Variants in PTGR1 observed in about 807,000 individuals in gnomAD.
PTGR1 encodes 15-oxoprostaglandin 13-reductase.
A neutral mutation model predicts 37.7 loss-of-function variants in PTGR1; 23 were observed. The observed-to-expected ratio is 0.61, with a 90% CI of 0.44 to 0.86. The LOEUF (loss-of-function observed/expected upper bound fraction) is 0.86. Among genes scored for constraint, PTGR1 ranks in the 40% least tolerant of loss-of-function variants. PTGR1 has a pLI of 0.00. For missense variants in PTGR1, 351 were observed against 394.3 expected (o/e 0.89, Z 0.93); for synonymous variants, 134 against 140.0 (o/e 0.96, Z 0.30).
intron 9 of PTGR1, among the ~76,000 whole-genome samples, chr9:111,551,527 C>G (rs1564603054): frequency 6.6e-6 from 1 of 150,484 alleles, no homozygotes; most frequent in Non-Finnish European, 1.5e-5. Context: ...CCTGCTTCAG[C>G]CTCCCCAGTA....
intron 8 of PTGR1, chr9:111,574,435 G>T: frequency 5.9e-6 from 1 of 169,778 alleles, no homozygotes; most frequent in Non-Finnish European, 1.2e-5. Flanking sequence ...CTGCAGCCTC[G>T]CCTCCCAGGC....
rs58142522 is a variant in PTGR1 at position 111,592,986 on chromosome 9, CAAAAAAAAAAAAAAAA to C, written c.153-20_153-5del. On this transcript the variant is annotated splice_polypyrimidine_tract_variant and splice_region_variant and intron_variant, in intron 3 of 9. Coordinates refer to ENST00000407693, the MANE Select transcript of PTGR1 (RefSeq NM_001146108.2). The stretch of plus-strand genomic sequence containing the variant: ...CTTCAATCTTTTGGCTGCCACTCTG[CAAAAAAAAAAAAAAAA>C]AAAAAAAAAAAAAAATAGGTAAATA... 2.7e-4 allele frequency: 264 copies of C among 960,746 alleles called. No homozygotes were observed. The highest frequency in any genetic ancestry group is 4.7e-4 in the South Asian group (20 of 42,566). The allele number at this position is 960,746 out of a possible 1,614,324, so 59.5% of individuals were successfully genotyped here.
chr9:111,558,191 A>G (rs1418244502), downstream of PTGR1, among the ~76,000 whole-genome samples: 1 of 152,168 alleles, frequency 6.6e-6, no homozygotes, highest in East Asian at 1.9e-4. Context: ...TCAAGTTTTC[A>G]GTGTATTCAG....
Position 111,590,547 on chromosome 9 carries a change from T to C in PTGR1, c.209+2379A>G, listed in dbSNP as rs1436393725. ...CTAATTTCTTTATTTTTAGTAGAGA[T>C]TGGGTTTTGACATGTTGGCCAGGCT... On this transcript the variant is annotated intron_variant, in intron 4 of 9. Coordinates refer to ENST00000407693, the MANE Select transcript of PTGR1 (RefSeq NM_001146108.2). Among the ~76,000 whole-genome samples the C allele has an allele frequency of 2.0e-5, 3 of 152,180 alleles. No homozygotes were observed. The East Asian group carries it at 5.8e-4, about 29-fold the overall frequency.
At chr9:111,597,119 C>G (rs796966700) in intron 2 of PTGR1, among the ~76,000 whole-genome samples, 198 bp downstream of exon 2, 8 of 152,136 alleles carry the variant, frequency 5.3e-5, no homozygotes, top group African/African-American at 1.9e-4. Flanking sequence ...CAAGGCCCAT[C>G]CTAAATTAAC....
intron 6 of PTGR1, 116 bp from the exon 7 acceptor site, chr9:111,579,067 C>A: frequency 4.0e-6 from 4 of 994,078 alleles, no homozygotes; most frequent in South Asian, 4.0e-5. Flanking sequence ...AGGTGCTGAG[C>A]CACATATAAA....
intron 3 of PTGR1, among the ~76,000 whole-genome samples, chr9:111,593,452 C>T (rs544002142): frequency 2.8e-4 from 43 of 152,054 alleles, no homozygotes; most frequent in African/African-American, 1.0e-3. Context: ...TGTTATTTAC[C>T]GAGGCAAAAA....
intron 9 of PTGR1, among the ~76,000 whole-genome samples, chr9:111,556,578 C>G (rs28796944): frequency 0.025 from 3,808 of 152,328 alleles, 155 homozygotes; most frequent in African/African-American, 0.085. Flanking sequence ...GTCTTCTTTG[C>G]ACCTGCAGGC....
chr9:111,578,959 G>T lies in PTGR1; in HGVS notation c.496-8C>A, dbSNP rs879063159. 74 of 1,247,172 alleles carry T rather than the reference G, an allele frequency of 5.9e-5. No individual in the cohort carries two copies. Among genetic ancestry groups the T allele is most frequent in the Non-Finnish European group, 6.5e-5 (62 of 957,234 alleles). 77.3% of individuals were successfully genotyped at this position (1,247,172 alleles called of 1,614,324 possible). A position where few individuals can be genotyped will look rare whatever the true frequency, so the allele number is the denominator to read the frequency against. On this transcript the variant is annotated splice_region_variant and splice_polypyrimidine_tract_variant and intron_variant, in intron 6 of 9. Transcript: ENST00000407693. ...TCCAACAACTTTGCAGCCCTAAGTA[G>T]AAAAAAAAAAAAAAAGGAAACCATG...
chr9:111,587,597 G>C (rs548711078), intron 4 of PTGR1, among the ~76,000 whole-genome samples: 1 of 152,048 alleles, frequency 6.6e-6, no homozygotes, highest in South Asian at 2.1e-4. Context: ...GAATACAGGC[G>C]CGTGCCACTA....
chr9:111,553,190 T>C (rs781390540), intron 9 of PTGR1, among the ~76,000 whole-genome samples: 1 of 152,180 alleles, frequency 6.6e-6, no homozygotes, highest in African/African-American at 2.4e-5. Flanking sequence ...TTTAACACTT[T>C]TGAATAGAAC....
chr9:111,566,167 C>A (rs904072608), intron 9 of PTGR1, among the ~76,000 whole-genome samples: 4 of 152,118 alleles, frequency 2.6e-5, no homozygotes, highest in Non-Finnish European at 4.4e-5. Flanking sequence ...CGCGCCACTG[C>A]ACTCCAGCCT....
At chr9:111,578,703 G>A in intron 7 of PTGR1, 93 bp downstream of exon 7, 1 of 1,162,674 alleles carries the variant, frequency 8.6e-7, no homozygotes. Flanking sequence ...ATAGGCTATG[G>A]ACCACTAACC....
At chr9:111,582,178 A>G (rs1829301191) in intron 6 of PTGR1, among the ~76,000 whole-genome samples, 1 of 151,676 alleles carries the variant, frequency 6.6e-6, no homozygotes, top group African/African-American at 2.4e-5. Context: ...ATGACAATTA[A>G]TAAGAATGAC....
intron 4 of PTGR1, among the ~76,000 whole-genome samples, chr9:111,588,196 A>ATTTTT (rs71302619): frequency 7.9e-6 from 1 of 126,846 alleles, no homozygotes; most frequent in African/African-American, 3.0e-5. Context: ...CATCCAGCTA[A>ATTTTT]TTTTTTTTTT....
chr9:111,583,697 G>C (rs1291586713), intron 5 of PTGR1, 108 bp from the exon 6 acceptor site: 1 of 813,212 alleles, frequency 1.2e-6, no homozygotes, highest in Non-Finnish European at 2.0e-6. Flanking sequence ...ATGGGTCCAA[G>C]TAAAAGACAA....
At chr9:111,581,539 T>C (rs1202181210) in intron 6 of PTGR1, among the ~76,000 whole-genome samples, 1 of 152,154 alleles carries the variant, frequency 6.6e-6, no homozygotes, top group Non-Finnish European at 1.5e-5. Flanking sequence ...GGAAAGAGAA[T>C]CAGATTGGCT....
chr9:111,549,776 A>G (rs957854045), exon 10 of PTGR1: 43 of 1,548,040 alleles, frequency 2.8e-5, no homozygotes, highest in African/African-American at 1.8e-4. Flanking sequence ...TGAAGCTTCA[A>G]TCTTCTTCAT....
chr9:111,563,463 A>G, intron 9 of PTGR1: 1 of 401,002 alleles, frequency 2.5e-6, no homozygotes. Flanking sequence ...GTCGGATCAT[A>G]GTGCGAAATG....
Sources: allele counts gnomAD v4.1 joint callset (sites outside exome capture counted in the v4.1 genomes callset), GRCh38; gene constraint gnomAD v4.1.1; transcripts MANE v1.5; gene names NCBI Gene and HGNC (gene_info 2026-07-23, HGNC 2026-07-21).